The following DCBLD1 variants were observed in gnomAD, a reference collection of about 807,000 sequenced individuals.
DCBLD1 encodes discoidin, CUB and LCCL domain containing 1.
DCBLD1 carries 57 observed loss-of-function variants against 71.5 expected under a neutral mutation model. The observed-to-expected ratio is 0.80, with a 90% confidence interval of 0.64 to 0.99. DCBLD1 has a LOEUF of 0.99. DCBLD1 is among the 50% of genes least tolerant of loss of function. DCBLD1 has a pLI of 0.00. For synonymous variants in DCBLD1, 380 were observed against 363.8 expected, an observed-to-expected ratio of 1.04 and a Z score of -0.51; for missense variants, 891 against 923.5, an observed-to-expected ratio of 0.96 and a Z score of 0.46.
At chr6:117,550,005 G>A (rs748990025), downstream of DCBLD1, among the ~76,000 whole-genome samples, 7 of 152,164 alleles carry the variant, frequency 4.6e-5, no homozygotes, top group African/African-American at 1.4e-4. Context: ...TGGTGTTGTC[G>A]TGCTTTCTTC....
At chr6:117,547,720 G>A (rs554011996) in intron 14 of DCBLD1, 187 bp from the exon 15 acceptor site, 4 of 1,244,306 alleles carry the variant, frequency 3.2e-6, no homozygotes, top group South Asian at 1.3e-5. Flanking sequence ...CAGGCGGTGC[G>A]GTTGTGTACT....
chr6:117,547,756 C>A, intron 14 of DCBLD1, 151 bp from the exon 15 acceptor site: 1 of 1,520,598 alleles, frequency 6.6e-7, no homozygotes, highest in Non-Finnish European at 8.9e-7. Flanking sequence ...CTGTGGCTTT[C>A]ACATCAGGGT....
intron 4 of DCBLD1, among the ~76,000 whole-genome samples, chr6:117,521,951 T>C (rs1778400493): frequency 1.3e-5 from 2 of 152,230 alleles, no homozygotes; most frequent in Admixed American, 1.3e-4. Flanking sequence ...CATAGTTTGC[T>C]GACCCCTGAG....
intron 11 of DCBLD1, 118 bp from the exon 12 acceptor site, chr6:117,543,006 T>C: frequency 1.2e-6 from 1 of 810,350 alleles, no homozygotes; most frequent in South Asian, 1.6e-5. Flanking sequence ...TAACATGTAT[T>C]CATTTTCCCC....
At chr6:117,538,912 A>G (rs1778997466) in intron 8 of DCBLD1, 77 bp downstream of exon 8, 13 of 1,418,512 alleles carry the variant, frequency 9.2e-6, no homozygotes, top group Non-Finnish European at 1.3e-5. Flanking sequence ...AAATACGCTT[A>G]TTGTTTACAT....
In DCBLD1 at chr6:117,482,870, TC is replaced by T; in HGVS notation, c.91del (p.Arg31GlyfsTer14). The T allele has an allele frequency of 8.4e-7, 1 of 1,191,238 alleles. No individual in the cohort carries two copies. The highest frequency in any genetic ancestry group is 1.0e-6 in the Non-Finnish European group (1 of 961,158). The allele number at this position is 1,191,238 out of a possible 1,614,324, so 73.8% of individuals were successfully genotyped here. A position where few individuals can be genotyped will look rare whatever the true frequency, so the allele number is the denominator to read the frequency against. Reference sequence around the variant, plus strand: ...TTGCTGCTCGCGGTCTCCGCCCCGCTCCGGCTGCAGGCGGAGGAGCTGGGTG... The same window carrying T: ...TTGCTGCTCGCGGTCTCCGCCCCGCTCGGCTGCAGGCGGAGGAGCTGGGTG... ...LALLLAVSAP[L>X]RLQAEELGDG... is the part of the protein sequence containing the mutation. On this transcript the variant is annotated frameshift_variant, in exon 1 of 15. Coordinates refer to ENST00000338728, the MANE Select transcript of DCBLD1 (RefSeq NM_001366458.2). LOFTEE classifies it high-confidence loss of function.
chr6:117,517,260 T>C (rs1778231516), intron 2 of DCBLD1, among the ~76,000 whole-genome samples: 1 of 152,220 alleles, frequency 6.6e-6, no homozygotes, highest in African/African-American at 2.4e-5. Context: ...TGAAATCCAG[T>C]GGGGCAGTCA....
chr6:117,565,156 C>G (rs536890618), intron 14 of DCBLD1, among the ~76,000 whole-genome samples: 2 of 152,234 alleles, frequency 1.3e-5, no homozygotes, highest in East Asian at 3.9e-4. Flanking sequence ...TGACAAATAA[C>G]TCTATGTTCC....
At chr6:117,484,806 T>C (rs1777028058) in intron 1 of DCBLD1, 1 of 152,254 alleles carries the variant, frequency 6.6e-6, no homozygotes, top group Admixed American at 6.5e-5. Flanking sequence ...GCCTAATCAA[T>C]ACAATTAATT....
At chr6:117,568,172 C>A (rs151185361) in intron 14 of DCBLD1, among the ~76,000 whole-genome samples, 172 of 152,122 alleles carry the variant, frequency 1.1e-3, no homozygotes, top group African/African-American at 3.9e-3. Context: ...TGCACTCCAG[C>A]CTGGGTGACA....
chr6:117,547,638 G>A (rs1489614203), intron 14 of DCBLD1: 10 of 714,860 alleles, frequency 1.4e-5, no homozygotes, highest in Admixed American at 1.0e-4. Context: ...CTTCCTCCCT[G>A]AAGTATGTCC....
At chr6:117,543,299 A>G (rs1054084325) in intron 12 of DCBLD1, 88 bp downstream of exon 12, 1 of 1,075,792 alleles carries the variant, frequency 9.3e-7, no homozygotes, top group Non-Finnish European at 1.4e-6. Flanking sequence ...ATGCATATGT[A>G]CAAAAGCAGC....
chr6:117,556,490 A>T (rs1779497196), intron 14 of DCBLD1, among the ~76,000 whole-genome samples: 1 of 152,132 alleles, frequency 6.6e-6, no homozygotes, highest in Non-Finnish European at 1.5e-5. Flanking sequence ...TTTGTTTCTG[A>T]GTTAGTTCAC....
At position 117,545,604 on chromosome 6, in the gene DCBLD1, G is replaced by C; in HGVS notation, c.1615+7G>C. On this transcript the variant is annotated splice_region_variant and intron_variant, in intron 14 of 14. Coordinates refer to ENST00000338728, the MANE Select transcript of DCBLD1 (RefSeq NM_001366458.2). ...ATCACAAGTGATATGGCAGGTAAGT[G>C]TCATATTTCTAGGACTGTGCTATTA... is the stretch of plus-strand genomic sequence containing the variant. 1 of 1,613,320 alleles carries C rather than the reference G, an allele frequency of 6.2e-7. No homozygotes were observed.
At chr6:117,563,451 G>A in intron 14 of DCBLD1, 1 of 1,494,702 alleles carries the variant, frequency 6.7e-7, no homozygotes, top group East Asian at 2.3e-5. Flanking sequence ...GTCAGGTGCA[G>A]TGGCTCATAC....
chr6:117,567,732 A>G (rs1779726875), intron 14 of DCBLD1, among the ~76,000 whole-genome samples: 2 of 152,052 alleles, frequency 1.3e-5, no homozygotes, highest in Admixed American at 1.3e-4. Flanking sequence ...CATGAACGAG[A>G]AAGCTGAGTG....
chr6:117,535,673 A>G (rs894415584), intron 6 of DCBLD1, among the ~76,000 whole-genome samples: 7 of 152,148 alleles, frequency 4.6e-5, no homozygotes, highest in African/African-American at 1.7e-4. Context: ...AACAAAATTA[A>G]TGTTTCATGG....
chr6:117,515,288 C>T (rs992506708), intron 2 of DCBLD1, among the ~76,000 whole-genome samples: 3 of 152,232 alleles, frequency 2.0e-5, no homozygotes, highest in East Asian at 1.9e-4. Context: ...TCCCACAGTG[C>T]TGGGATTACA....
intron 5 of DCBLD1, among the ~76,000 whole-genome samples, chr6:117,529,017 T>C (rs376524134): frequency 2.6e-4 from 40 of 152,274 alleles, no homozygotes; most frequent in East Asian, 2.1e-3. Context: ...ATTTTTTGTA[T>C]TTTTAGTAGA....
Sources: gnomAD v4.1 joint callset for allele counts (sites outside exome capture counted in the v4.1 genomes callset) on GRCh38, gnomAD v4.1.1 for gene constraint, MANE v1.5 for transcripts, NCBI Gene and HGNC (gene_info 2026-07-23, HGNC 2026-07-21) for gene names.